The following KAZN variants were observed in gnomAD, a reference collection of about 807,000 sequenced individuals.
KAZN encodes kazrin.
KAZN carries 40 observed loss-of-function variants against 87.4 expected under a neutral mutation model. The ratio of observed to expected loss-of-function variants is 0.46; its 90% CI spans 0.36 to 0.60. The LOEUF (loss-of-function observed/expected upper bound fraction) is 0.60. KAZN is among the 20% of genes least tolerant of loss of function. KAZN has a pLI of 0.00. For synonymous variants in KAZN, 466 were observed against 458.3 expected, an observed-to-expected ratio of 1.02 and a Z score of -0.22; for missense variants, 898 against 1,073.9, an observed-to-expected ratio of 0.84 and a Z score of 2.29.
At chr1:15,045,931 A>G (rs2100362107) in intron 4 of KAZN, among the ~76,000 whole-genome samples, 2 of 152,324 alleles carry the variant, frequency 1.3e-5, no homozygotes, top group South Asian at 4.1e-4. Context: ...TCGAGATGAG[A>G]TTTGGCTGGG....
chr1:14,432,541 C>T (rs1331954043), intron 2 of KAZN, among the ~76,000 whole-genome samples: 1 of 151,916 alleles, frequency 6.6e-6, no homozygotes, highest in Non-Finnish European at 1.5e-5. Flanking sequence ...GCTGTGGCTT[C>T]TTTCTTTTTT....
chr1:14,858,906 A>G (rs1335027568), intron 1 of KAZN, among the ~76,000 whole-genome samples: 53 of 152,092 alleles, frequency 3.5e-4, no homozygotes. Flanking sequence ...ATGAGATAAA[A>G]TTTCTCATCT....
chr1:14,676,633 A>G (rs1020735531), intron 1 of KAZN, among the ~76,000 whole-genome samples: 1 of 152,250 alleles, frequency 6.6e-6, no homozygotes, highest in Non-Finnish European at 1.5e-5. Flanking sequence ...GGAATGAAGC[A>G]GTGATTCATG....
chr1:14,787,877 C>A (rs1336027082), intron 1 of KAZN, among the ~76,000 whole-genome samples: 4 of 152,252 alleles, frequency 2.6e-5, no homozygotes, highest in Non-Finnish European at 5.9e-5. Context: ...CCTGGGGAAC[C>A]AGTTCAGTAA....
At chr1:14,867,570 G>A (rs1377762072) in intron 1 of KAZN, among the ~76,000 whole-genome samples, 3 of 152,224 alleles carry the variant, frequency 2.0e-5, no homozygotes, top group Non-Finnish European at 4.4e-5. Context: ...TCGCAAGGAC[G>A]CCGAGAGGAT....
intron 1 of KAZN, among the ~76,000 whole-genome samples, chr1:14,906,880 T>A (rs138760333): frequency 2.4e-3 from 360 of 151,742 alleles, no homozygotes; most frequent in African/African-American, 8.2e-3. Flanking sequence ...CCCGCCTTGT[T>A]CCCTAGGGCT....
chr1:14,635,199 G>C (rs1342442870), intron 1 of KAZN, among the ~76,000 whole-genome samples: 2 of 152,248 alleles, frequency 1.3e-5, no homozygotes, highest in African/African-American at 4.8e-5. Context: ...GAGGTGCACA[G>C]TTCTGAAATG....
rs201075672 is a variant in KAZN at position 13,926,070 on chromosome 1, G to GT, written c.91+32322dup. ...TTGATAATGGTTTCTCTCTCCCTTT[G>GT]TTTTTTTTCATTTCAAAGGATCTAG... On this transcript the variant is annotated intron_variant, in intron 1 of 16. Coordinates refer to the KAZN transcript ENST00000636203. 3.8e-3 allele frequency among the ~76,000 whole-genome samples: 581 copies of GT among 151,942 alleles called. 3 individuals carry two copies. The highest frequency in any genetic ancestry group is 0.014 in the African/African-American group (560 of 41,416).
At chr1:14,285,182 G>A (rs2100728705) in intron 2 of KAZN, among the ~76,000 whole-genome samples, 1 of 152,328 alleles carries the variant, frequency 6.6e-6, no homozygotes, top group East Asian at 1.9e-4. Flanking sequence ...CCCAAGTTTA[G>A]AGGATTGTTG....
At chr1:13,915,484 C>T (rs545297851) in intron 1 of KAZN, among the ~76,000 whole-genome samples, 34 of 152,302 alleles carry the variant, frequency 2.2e-4, no homozygotes, top group African/African-American at 7.5e-4. Context: ...GGCCCATGAA[C>T]GTCATAATAT....
chr1:14,127,280 G>A (rs1644892597), intron 1 of KAZN, among the ~76,000 whole-genome samples: 3 of 152,156 alleles, frequency 2.0e-5, no homozygotes, highest in Admixed American at 2.0e-4. Flanking sequence ...AAAGAAAAAT[G>A]AGGGAGCGAT....
At chr1:14,620,883 T>C (rs1209346447) in intron 1 of KAZN, among the ~76,000 whole-genome samples, 3 of 152,194 alleles carry the variant, frequency 2.0e-5, no homozygotes, top group African/African-American at 7.2e-5. Flanking sequence ...GAGCCTCTTG[T>C]ACAACCTAAT....
rs1639173346 is a variant in KAZN, at chr1:15,065,718, A to C, written c.1187A>C (p.Lys396Thr). 1.2e-6 allele frequency: 2 copies of C among 1,614,132 alleles called. No individual in the cohort carries two copies. Among genetic ancestry groups the C allele is most frequent in the Admixed American group, 3.3e-5 (2 of 60,012 alleles). ...ATCTCCCGCGTCTTCGCCAGAGGGA[A>C]GCAGCGGAAGTCCCTCGACCCCGGC... The part of the protein sequence containing the change: ...GSISRVFARG[K>T]QRKSLDPGLF... Residue 396 changes from lysine (K) to threonine (T), a missense_variant, in exon 8 of 15, where the codon AAG becomes ACG. This residue lies in a region of KAZN where 521 missense variants were observed against 689.4 expected (regional missense o/e 0.76). Coordinates refer to ENST00000376030, the MANE Select transcript of KAZN (RefSeq NM_201628.3).
At chr1:15,006,108 A>G (rs553810693) in intron 2 of KAZN, among the ~76,000 whole-genome samples, 1 of 152,202 alleles carries the variant, frequency 6.6e-6, no homozygotes, top group Non-Finnish European at 1.5e-5. Flanking sequence ...TATTCTGCCA[A>G]ACCCACTCAC....
intron 1 of KAZN, among the ~76,000 whole-genome samples, chr1:13,958,679 G>T (rs905576289): frequency 6.6e-6 from 1 of 152,132 alleles, no homozygotes; most frequent in South Asian, 2.1e-4. Context: ...AGACTAGGGG[G>T]TTAGGTAGGA....
chr1:14,229,349 A>T (rs1164194533), intron 2 of KAZN, among the ~76,000 whole-genome samples: 1 of 152,214 alleles, frequency 6.6e-6, no homozygotes, highest in Admixed American at 6.5e-5. Context: ...AAAGCCTTCG[A>T]GTGCTTCGTG....
intron 1 of KAZN, among the ~76,000 whole-genome samples, chr1:14,053,464 A>G (rs74483393): frequency 0.021 from 3,140 of 152,290 alleles, 55 homozygotes; most frequent in Non-Finnish European, 0.032. Context: ...ATGAGCAGCT[A>G]TGTTTTTGGT....
At chr1:14,573,794 C>G (rs1306998864) in intron 2 of KAZN, among the ~76,000 whole-genome samples, 1 of 151,992 alleles carries the variant, frequency 6.6e-6, no homozygotes, top group South Asian at 2.1e-4. Flanking sequence ...GTCCAGTGTA[C>G]TTTACCCCTA....
chr1:14,734,769 C>T (rs948888879), intron 1 of KAZN, among the ~76,000 whole-genome samples: 4 of 152,238 alleles, frequency 2.6e-5, no homozygotes, highest in African/African-American at 9.6e-5. Context: ...CATGCAAGCC[C>T]ACCGTGATAA....
Sources: allele counts gnomAD v4.1 joint callset (sites outside exome capture counted in the v4.1 genomes callset), GRCh38; gene constraint gnomAD v4.1.1; regional missense constraint gnomAD v4.1.1; transcripts MANE v1.5; gene names NCBI Gene and HGNC (gene_info 2026-07-23, HGNC 2026-07-21).